Variants in OSTF1 observed in about 807,000 individuals in gnomAD.
OSTF1 encodes osteoclast stimulating factor 1, also known as osteoclast-stimulating factor 1.
OSTF1 carries 27 observed loss-of-function variants against 37.2 expected under a neutral mutation model. The ratio of observed to expected loss-of-function variants is 0.73; its 90% CI spans 0.54 to 1.00. The LOEUF (loss-of-function observed/expected upper bound fraction) is 1.00. Ranked by LOEUF, OSTF1 falls within the 50% of genes least tolerant of loss-of-function variation. The pLI is 0.00. For synonymous variants in OSTF1, 82 were observed against 89.2 expected, an observed-to-expected ratio of 0.92 and a Z score of 0.46; for missense variants, 232 against 253.8, an observed-to-expected ratio of 0.91 and a Z score of 0.58.
chr9:75,107,722 A>C (rs1369380936), intron 1 of OSTF1, among the ~76,000 whole-genome samples: 2 of 152,180 alleles, frequency 1.3e-5, no homozygotes, highest in Non-Finnish European at 2.9e-5. Context: ...ACATGACCAG[A>C]GGGGAACACA....
intron 8 of OSTF1, among the ~76,000 whole-genome samples, chr9:75,140,534 G>T (rs1825924337): frequency 6.6e-6 from 1 of 152,180 alleles, no homozygotes; most frequent in African/African-American, 2.4e-5. Context: ...GAAGCAAAGG[G>T]CTCATTGAAG....
chr9:75,116,332 C>T (rs1227593952), intron 1 of OSTF1, among the ~76,000 whole-genome samples: 1 of 152,050 alleles, frequency 6.6e-6, no homozygotes, highest in Non-Finnish European at 1.5e-5. Context: ...CCCTTGGATA[C>T]TGAGGGATGA....
chr9:75,134,203 C>T, intron 6 of OSTF1, 143 bp from the exon 7 acceptor site: 1 of 504,160 alleles, frequency 2.0e-6, no homozygotes, highest in South Asian at 3.4e-5. Context: ...TTAAGTTTTT[C>T]TATTTTATAA....
chr9:75,090,294 G>GGTGTGTGT (rs3837221), intron 1 of OSTF1, among the ~76,000 whole-genome samples: 30 of 149,344 alleles, frequency 2.0e-4, no homozygotes, highest in Non-Finnish European at 3.9e-4. Context: ...GACATTGACA[G>GGTGTGTGT]GTGTGTGTGT....
chr9:75,114,829 C>T (rs965257466), intron 1 of OSTF1, among the ~76,000 whole-genome samples: 6 of 152,226 alleles, frequency 3.9e-5, no homozygotes, highest in Non-Finnish European at 7.3e-5. Context: ...GCTGGGATTA[C>T]AGGCATGAGC....
intron 1 of OSTF1, among the ~76,000 whole-genome samples, chr9:75,093,095 A>G (rs1481053019): frequency 5.4e-5 from 5 of 92,906 alleles, no homozygotes; most frequent in African/African-American, 5.0e-5. Flanking sequence ...GGATTTTGCT[A>G]TGTTGACCAG....
At chr9:75,107,726 G>A (rs914342739) in intron 1 of OSTF1, among the ~76,000 whole-genome samples, 1 of 152,148 alleles carries the variant, frequency 6.6e-6, no homozygotes, top group Non-Finnish European at 1.5e-5. Flanking sequence ...GACCAGAGGG[G>A]AACACAGAAG....
At chr9:75,098,408 G>A (rs578072746) in intron 1 of OSTF1, among the ~76,000 whole-genome samples, 50 of 152,278 alleles carry the variant, frequency 3.3e-4, no homozygotes, top group African/African-American at 1.2e-3. Flanking sequence ...TTAGGCTCTC[G>A]CTACATAGGG....
chr9:75,104,897 G>A (rs1825257150), intron 1 of OSTF1, among the ~76,000 whole-genome samples: 1 of 152,082 alleles, frequency 6.6e-6, no homozygotes, highest in Admixed American at 6.6e-5. Flanking sequence ...GTGTGGACCT[G>A]GACTAGTTAC....
chr9:75,090,002 AAGATGGGGCACAGCTAG>A (rs1220619417), intron 1 of OSTF1, among the ~76,000 whole-genome samples: 1 of 152,194 alleles, frequency 6.6e-6, no homozygotes, highest in Non-Finnish European at 1.5e-5. Context: ...GCCCTGGGCA[AAGATGGGGCACAGCTAG>A]AGTTGGGTTC....
intron 2 of OSTF1, among the ~76,000 whole-genome samples, chr9:75,125,316 A>G (rs1438724119): frequency 6.6e-6 from 1 of 152,192 alleles, no homozygotes; most frequent in Non-Finnish European, 1.5e-5. Context: ...TCAAATAAAT[A>G]CTAAAGGAAA....
At chr9:75,118,636 A>G (rs1328688170) in intron 2 of OSTF1, among the ~76,000 whole-genome samples, 1 of 152,148 alleles carries the variant, frequency 6.6e-6, no homozygotes, top group African/African-American at 2.4e-5. Context: ...AGACTGGGTA[A>G]TGTATAGAGA....
chr9:75,138,959 A>T (rs1825884711), intron 8 of OSTF1, among the ~76,000 whole-genome samples: 1 of 151,796 alleles, frequency 6.6e-6, no homozygotes, highest in African/African-American at 2.4e-5. Context: ...CAAGATCATT[A>T]TATTACTAAT....
intron 1 of OSTF1, among the ~76,000 whole-genome samples, chr9:75,106,998 AAAAG>A (rs940530454): frequency 1.3e-5 from 2 of 151,764 alleles, no homozygotes; most frequent in African/African-American, 4.9e-5. Flanking sequence ...AAAAAAAAAA[AAAAG>A]CAGTGGGCTT....
chr9:75,105,389 A>G (rs1825266749), intron 1 of OSTF1, among the ~76,000 whole-genome samples: 1 of 152,216 alleles, frequency 6.6e-6, no homozygotes. Flanking sequence ...CTGCCATGGT[A>G]TAATGTGAAA....
intron 1 of OSTF1, among the ~76,000 whole-genome samples, chr9:75,108,419 TC>T (rs1825328933): frequency 6.6e-6 from 1 of 151,812 alleles, no homozygotes; most frequent in African/African-American, 2.4e-5. Flanking sequence ...CTTCAATTTT[TC>T]CCCAAGAAAA....
At chr9:75,107,480 T>C (rs1244116563) in intron 1 of OSTF1, among the ~76,000 whole-genome samples, 2 of 152,230 alleles carry the variant, frequency 1.3e-5, no homozygotes, top group Non-Finnish European at 2.9e-5. Context: ...TCTTTCATTT[T>C]GAGAGCTCTA....
chr9:75,116,603 TC>T (rs1825493143), intron 1 of OSTF1, among the ~76,000 whole-genome samples: 2 of 137,630 alleles, frequency 1.5e-5, no homozygotes, highest in Admixed American at 7.4e-5. Context: ...CTCCAATGGG[TC>T]CTTTTTTTTT....
At chr9:75,133,743 T>C (rs984634123) in intron 6 of OSTF1, among the ~76,000 whole-genome samples, 3 of 152,246 alleles carry the variant, frequency 2.0e-5, no homozygotes, top group Admixed American at 6.5e-5. Flanking sequence ...GCTTAGCTTT[T>C]CACAAGGTCT....
Sources: allele counts gnomAD v4.1 joint callset (sites outside exome capture counted in the v4.1 genomes callset), GRCh38; gene constraint gnomAD v4.1.1; transcripts MANE v1.5; gene names NCBI Gene and HGNC (gene_info 2026-07-23, HGNC 2026-07-21).